The following SYTL4 variants were observed in gnomAD, a reference collection of about 807,000 sequenced individuals.
The protein encoded by SYTL4 is synaptotagmin like 4.
A neutral mutation model predicts 52.7 loss-of-function variants in SYTL4; 16 were observed. That is an observed-to-expected ratio of 0.30 (90% CI 0.21 to 0.46). The LOEUF is 0.46. Among genes scored for constraint, SYTL4 ranks in the 20% least tolerant of loss-of-function variants. The probability of loss-of-function intolerance (pLI) is 1.00; values close to 1 mark genes in which losing one functional copy is unlikely to be tolerated. For synonymous variants in SYTL4, 160 were observed against 186.6 expected (o/e 0.86, Z 1.16); for missense variants, 423 against 519.9 (o/e 0.81, Z 1.81).
Position 100,701,305 on chromosome X carries a change from G to C in SYTL4, c.351C>G (p.Asp117Glu). The C allele has an allele frequency of 8.3e-7, 1 of 1,209,729 alleles. No homozygotes were observed. Among genetic ancestry groups the C allele is most frequent in the Non-Finnish European group, 1.1e-6 (1 of 893,493 alleles). ...KEIELKKATGDWFYDQKVNRF... is the reference protein window; with the variant it reads ...KEIELKKATGEWFYDQKVNRF... The stretch of plus-strand genomic sequence containing the variant: ...GATTCACTTTCTGGTCATAAAACCA[G>C]TCCCCAGTTGCTTTCTTCAACTCTC... Residue 117 changes from aspartate (D) to glutamate (E), a missense_variant, in exon 7 of 20, where the codon GAC (aspartate) becomes GAG (glutamate). Physicochemically the swap from Asp to Glu is conservative, Grantham distance 45. Transcript: ENST00000372989.
In SYTL4 at chrX:100,690,500, G is replaced by A. The variant is rs1220044383; in HGVS notation, c.717+63C>T. The stretch of plus-strand genomic sequence containing the variant: ...AGGGAGGGAAAGACGGAGGGAGACA[G>A]GAGGTAAAGGAGAAAGGGAAGGAAG... On this transcript the variant is annotated intron_variant, in intron 10 of 19. Coordinates refer to ENST00000372989, the MANE Select transcript of SYTL4 (RefSeq NM_001370165.1). The A allele has an allele frequency of 1.1e-5, 10 of 907,178 alleles. No homozygotes were observed. In the East Asian group the frequency reaches 1.9e-4, roughly 18 times the overall value. 74.8% of individuals were successfully genotyped at this position (907,178 alleles called of 1,213,427 possible).
intron 2 of SYTL4, among the ~76,000 whole-genome samples, chrX:100,714,937 G>C (rs1329019350): frequency 1.8e-5 from 2 of 112,239 alleles, no homozygotes; most frequent in Non-Finnish European, 3.8e-5. Context: ...TCATCAAAAT[G>C]AGAGCAAAGG....
At chrX:100,690,001 C>A in intron 11 of SYTL4, 42 bp from the exon 12 acceptor site, 1 of 1,150,717 alleles carries the variant, frequency 8.7e-7, no homozygotes, top group Non-Finnish European at 1.2e-6. Context: ...GAGACCTATT[C>A]TTCTCCATAC....
chrX:100,709,122 G>A (rs1354017470), intron 2 of SYTL4, among the ~76,000 whole-genome samples: 2 of 111,537 alleles, frequency 1.8e-5, no homozygotes, highest in Non-Finnish European at 3.8e-5. Flanking sequence ...TTAAACCCAT[G>A]GAAATTGAAG....
chrX:100,705,535 G>A (rs1487438479), intron 2 of SYTL4, among the ~76,000 whole-genome samples: 2 of 111,233 alleles, frequency 1.8e-5, no homozygotes, highest in Non-Finnish European at 3.8e-5. Flanking sequence ...GAAACACTGC[G>A]CAAAAAAATC....
intron 2 of SYTL4, among the ~76,000 whole-genome samples, chrX:100,715,945 CAAAAAAAAAA>C (rs769194042): frequency 1.9e-5 from 1 of 53,599 alleles, no homozygotes; most frequent in African/African-American, 5.7e-5. Context: ...CTCTCTCTCT[CAAAAAAAAAA>C]AAAAAAAAAA....
chrX:100,690,959 C>T, intron 9 of SYTL4, 149 bp downstream of exon 9: 1 of 466,651 alleles, frequency 2.1e-6, no homozygotes, highest in Non-Finnish European at 3.7e-6. Flanking sequence ...AGAGCCAAAT[C>T]AGTAGACGTG....
Position 100,698,139 on chromosome X carries a change from G to A in SYTL4, c.539+2758C>T, listed in dbSNP as rs950708636. Among the ~76,000 whole-genome samples, 3 of 110,524 alleles carry A rather than the reference G, an allele frequency of 2.7e-5. No individual in the cohort carries two copies. The Admixed American group carries it at 2.9e-4, about 11-fold the overall frequency. On this transcript the variant is annotated intron_variant, in intron 8 of 19. Transcript: ENST00000372989. ...ATTTTTTGAGATGGAGTCTTGCTCT[G>A]TTGCCCAGGCTGGAGTGCAGTGGAG...
At chrX:100,698,263 C>T (rs1333174896) in intron 8 of SYTL4, among the ~76,000 whole-genome samples, 6 of 109,924 alleles carry the variant, frequency 5.5e-5, no homozygotes, top group Admixed American at 1.9e-4. Context: ...CCACCACGCC[C>T]GGCTAATTTT....
At chrX:100,723,734 C>A (rs1393763752) in intron 2 of SYTL4, among the ~76,000 whole-genome samples, 1 of 109,325 alleles carries the variant, frequency 9.1e-6, no homozygotes, top group Non-Finnish European at 1.9e-5. Flanking sequence ...TGCCCGGCCG[C>A]CCCGTCTGAG....
intron 6 of SYTL4, 34 bp downstream of exon 6, chrX:100,701,424 G>A (rs768329494): frequency 3.6e-5 from 43 of 1,187,112 alleles, no homozygotes; most frequent in Middle Eastern, 2.3e-4. Flanking sequence ...CCAAGGCCTC[G>A]CCCCCTCTCT....
chrX:100,688,234 T>C, intron 13 of SYTL4, 117 bp downstream of exon 13: 1 of 562,124 alleles, frequency 1.8e-6, no homozygotes, highest in East Asian at 3.3e-5. Context: ...ATGATCTTAC[T>C]TACCTGAAAA....
chrX:100,690,527 G>A, intron 10 of SYTL4, 36 bp downstream of exon 10: 2 of 1,110,852 alleles, frequency 1.8e-6, no homozygotes, highest in Non-Finnish European at 2.5e-6. Context: ...GGAAGGAAGG[G>A]AGGGGAGGAA....
chrX:100,679,324 G>C lies in SYTL4; in HGVS notation c.1647C>G (p.Ser549Arg). Residue 549 changes from serine (S) to arginine (R), a missense_variant, in exon 18 of 20, where the codon AGC (serine) becomes AGG (arginine). Physicochemically the swap from Ser to Arg is moderately radical, Grantham distance 110. Transcript: ENST00000372989. Reference sequence around the variant, plus strand: ...GTCTAGGGACTCACCCCTTGACAAAGCTGTCTGAAGTCCCTCCTGCTTTGG... The same window carrying C: ...GTCTAGGGACTCACCCCTTGACAAACCTGTCTGAAGTCCCTCCTGCTTTGG... Reference protein sequence around the residue: ...TAAKAGGTSDSFVKGYLLPMR... With the variant: ...TAAKAGGTSDRFVKGYLLPMR... 1 of 1,208,708 alleles carries C rather than the reference G, an allele frequency of 8.3e-7. No homozygotes were observed. Among genetic ancestry groups the C allele is most frequent in the Non-Finnish European group, 1.1e-6 (1 of 892,943 alleles).
At chrX:100,687,436 GAATGAATC>G in intron 13 of SYTL4, 191 bp from the exon 14 acceptor site, 1 of 424,429 alleles carries the variant, frequency 2.4e-6, no homozygotes, top group East Asian at 3.9e-5. Flanking sequence ...TTGTTCAGGT[GAATGAATC>G]AGCTCATGGC....
Position 100,686,781 on chromosome X carries a change from T to A in SYTL4, c.1185A>T (p.Pro395=). 1 of 1,201,939 alleles carries A rather than the reference T, an allele frequency of 8.3e-7. No homozygotes were observed. Among genetic ancestry groups the A allele is most frequent in the Non-Finnish European group, 1.1e-6 (1 of 886,998 alleles). ...CAGGCAGAAGGTAAGTCTTCACATA[T>A]CTAGAAACCAAAGACAGCACTGAGT... ...YADEAKKRSN[P]YVKTYLLPDK... is the part of the protein sequence containing the mutation. Residue 395 remains proline, a splice_region_variant and synonymous_variant, in exon 15 of 20, where the codon CCA becomes CCT. Coordinates refer to ENST00000372989, the MANE Select transcript of SYTL4 (RefSeq NM_001370165.1).
chrX:100,692,792 G>A (rs1456951677), intron 8 of SYTL4, among the ~76,000 whole-genome samples: 4 of 110,863 alleles, frequency 3.6e-5, no homozygotes, highest in Admixed American at 9.6e-5. Flanking sequence ...TCCTCCTCCC[G>A]TAGACCTCTA....
At chrX:100,687,291 C>G in intron 13 of SYTL4, 46 bp from the exon 14 acceptor site, 1 of 1,091,532 alleles carries the variant, frequency 9.2e-7, no homozygotes, top group Non-Finnish European at 1.3e-6. Context: ...CACACTCCCC[C>G]GCCCGCATTG....
chrX:100,679,161 G>A (rs979128990), intron 18 of SYTL4, 152 bp downstream of exon 18: 4 of 456,133 alleles, frequency 8.8e-6, no homozygotes, highest in African/African-American at 7.3e-5. Context: ...GTGCAAAGGT[G>A]GTGAAGGTTT....
Sources: gnomAD v4.1 joint callset for allele counts (sites outside exome capture counted in the v4.1 genomes callset) on GRCh38, gnomAD v4.1.1 for gene constraint, MANE v1.5 for transcripts, NCBI Gene and HGNC (gene_info 2026-07-23, HGNC 2026-07-21) for gene names.